The following PDE8B variants were observed in gnomAD, a reference collection of about 807,000 sequenced individuals.
PDE8B encodes phosphodiesterase 8B.
Under a neutral mutation model 101.3 loss-of-function variants are expected in PDE8B, and 26 were observed. That is an observed-to-expected ratio of 0.26 (90% CI 0.19 to 0.36). The LOEUF (loss-of-function observed/expected upper bound fraction) is 0.36, where lower values mean the gene tolerates loss of function less well. PDE8B is among the 10% of genes least tolerant of loss of function. The pLI, the probability that PDE8B is intolerant of heterozygous loss-of-function variation, is 1.00. For missense variants in PDE8B, 810 were observed against 1,163.1 expected (o/e 0.70, Z 4.42); for synonymous variants, 424 against 429.3 (o/e 0.99, Z 0.15).
intron 20 of PDE8B, among the ~76,000 whole-genome samples, chr5:77,422,245 T>G (rs335643): frequency 0.16 from 24,476 of 152,222 alleles, 2,353 homozygotes; most frequent in Non-Finnish European, 0.22. Context: ...ATCTTCAGTT[T>G]GCTGGATCCA....
At chr5:77,135,696 C>T in the PDE8B span, among the ~76,000 whole-genome samples, 2 of 151,780 alleles carry the variant, frequency 1.3e-5, no homozygotes, top group Non-Finnish European at 2.9e-5. Flanking sequence ...GGGCTGGTCT[C>T]GAGCTCCTGA....
chr5:77,209,534 C>T (rs1326168980), upstream of PDE8B, among the ~76,000 whole-genome samples: 1 of 152,138 alleles, frequency 6.6e-6, no homozygotes, highest in Non-Finnish European at 1.5e-5. Context: ...GGAATTACTG[C>T]GGGAACCAGT....
At chr5:77,293,894 G>A (rs1276637701) in intron 1 of PDE8B, among the ~76,000 whole-genome samples, 1 of 152,116 alleles carries the variant, frequency 6.6e-6, no homozygotes, top group African/African-American at 2.4e-5. Flanking sequence ...TTAATTGGGT[G>A]TTTGTTTTCT....
Position 77,427,298 on chromosome 5 carries a change from C to A in PDE8B, c.*744C>A, listed in dbSNP as rs753038277. On this transcript the variant is annotated 3_prime_UTR_variant, in exon 22 of 22. Transcript: ENST00000264917. ...AGTGGCATTTCATTTTTGGGGAATC[C>A]ATGAGCTTCCTTTATTTCTGGCTCA... 1 of 152,126 alleles carries A rather than the reference C, an allele frequency of 6.6e-6. No homozygotes were observed. Among genetic ancestry groups the A allele is most frequent in the Non-Finnish European group, 1.5e-5 (1 of 67,998 alleles). The allele number at this position is 152,126 out of a possible 1,614,324, so 9.4% of individuals were successfully genotyped here. A position where few individuals can be genotyped will look rare whatever the true frequency, so the allele number is the denominator to read the frequency against.
chr5:77,192,789 A>G, the PDE8B span, among the ~76,000 whole-genome samples: 1 of 152,212 alleles, frequency 6.6e-6, no homozygotes, highest in African/African-American at 2.4e-5. Context: ...AGTAATTTAC[A>G]TTCCCATCAG....
chr5:77,345,619 T>A (rs984268619), intron 7 of PDE8B, among the ~76,000 whole-genome samples: 1 of 152,244 alleles, frequency 6.6e-6, no homozygotes, highest in Admixed American at 6.5e-5. Context: ...CAAAGCATTC[T>A]TACATGAATG....
chr5:77,169,762 C>G, the PDE8B span, among the ~76,000 whole-genome samples: 10 of 152,286 alleles, frequency 6.6e-5, no homozygotes, highest in Non-Finnish European at 2.9e-5. Context: ...AGACACACCT[C>G]CAGTGTGTCT....
chr5:77,155,170 A>G, the PDE8B span, among the ~76,000 whole-genome samples: 1 of 151,748 alleles, frequency 6.6e-6, no homozygotes, highest in East Asian at 1.9e-4. Context: ...TCTTCTCTCT[A>G]TGTCTGTGCC....
chr5:77,307,056 G>A (rs1245940381), intron 1 of PDE8B, among the ~76,000 whole-genome samples: 1 of 152,190 alleles, frequency 6.6e-6, no homozygotes, highest in Admixed American at 6.5e-5. Context: ...TCAAACACCT[G>A]CAATGTGATT....
intron 1 of PDE8B, among the ~76,000 whole-genome samples, chr5:77,289,482 G>A (rs573978738): frequency 4.1e-4 from 63 of 152,254 alleles, no homozygotes; most frequent in Middle Eastern, 3.4e-3. Context: ...GATATTCCAC[G>A]CTGTTTTTGA....
chr5:77,226,789 A>G (rs1752486551), intron 1 of PDE8B, among the ~76,000 whole-genome samples: 1 of 152,188 alleles, frequency 6.6e-6, no homozygotes, highest in Non-Finnish European at 1.5e-5. Flanking sequence ...AGTAAAATGT[A>G]CTTTTTTCTG....
the PDE8B span, among the ~76,000 whole-genome samples, chr5:77,174,765 G>T: frequency 6.6e-6 from 1 of 151,920 alleles, no homozygotes; most frequent in East Asian, 1.9e-4. Context: ...CTTTCTGATG[G>T]CACCCTCCTC....
the PDE8B span, among the ~76,000 whole-genome samples, chr5:77,200,204 A>G: frequency 6.6e-6 from 1 of 152,184 alleles, no homozygotes; most frequent in Non-Finnish European, 1.5e-5. Flanking sequence ...TAGTTCTCAC[A>G]AATTTATTTG....
intron 1 of PDE8B, among the ~76,000 whole-genome samples, chr5:77,233,414 C>G (rs949882129): frequency 1.3e-5 from 2 of 152,012 alleles, no homozygotes; most frequent in African/African-American, 2.4e-5. Context: ...TTAAAGGGCC[C>G]TCAAGGAGAG....
chr5:77,279,012 T>C (rs1040331142), intron 1 of PDE8B, among the ~76,000 whole-genome samples: 1 of 152,220 alleles, frequency 6.6e-6, no homozygotes, highest in Non-Finnish European at 1.5e-5. Flanking sequence ...AAAGTGAATA[T>C]ACACCACCTT....
intron 1 of PDE8B, among the ~76,000 whole-genome samples, chr5:77,246,492 A>G (rs1756972210): frequency 6.6e-6 from 1 of 152,206 alleles, no homozygotes; most frequent in Non-Finnish European, 1.5e-5. Flanking sequence ...TAAGAAAGGG[A>G]TTTACATTTT....
chr5:77,200,223 A>G, the PDE8B span, among the ~76,000 whole-genome samples: 3 of 152,292 alleles, frequency 2.0e-5, no homozygotes, highest in Non-Finnish European at 2.9e-5. Flanking sequence ...TGGAATATCC[A>G]TAGTTTTAAG....
At chr5:77,220,174 A>G (rs1750783091) in intron 1 of PDE8B, among the ~76,000 whole-genome samples, 1 of 152,094 alleles carries the variant, frequency 6.6e-6, no homozygotes, top group South Asian at 2.1e-4. Context: ...CCTTCTTCTC[A>G]GTCACATGTG....
At chr5:77,138,764 A>G in the PDE8B span, among the ~76,000 whole-genome samples, 72 of 152,212 alleles carry the variant, frequency 4.7e-4, no homozygotes, top group South Asian at 2.5e-3. Flanking sequence ...TACTTTGCCT[A>G]TCCAACGATC....
Sources: allele counts gnomAD v4.1 joint callset (sites outside exome capture counted in the v4.1 genomes callset), GRCh38; gene constraint gnomAD v4.1.1; transcripts MANE v1.5; gene names NCBI Gene and HGNC (gene_info 2026-07-23, HGNC 2026-07-21).